KCNIP4: variants seen among roughly 807,000 people sequenced by gnomAD.
KCNIP4 encodes Kv channel-interacting protein 4.
In KCNIP4, 12 loss-of-function variants were observed where a neutral mutation model predicts 34.0. The ratio of observed to expected loss-of-function variants is 0.35; its 90% CI spans 0.23 to 0.57. The LOEUF (loss-of-function observed/expected upper bound fraction) is 0.57, where lower values mean the gene tolerates loss of function less well. KCNIP4 is among the 20% of genes least tolerant of loss of function. KCNIP4 has a pLI of 0.83. For synonymous variants in KCNIP4, 124 were observed against 102.2 expected, an observed-to-expected ratio of 1.21 and a Z score of -1.29; for missense variants, 238 against 311.7, an observed-to-expected ratio of 0.76 and a Z score of 1.78.
chr4:21,046,358 T>C (rs1742417491), intron 1 of KCNIP4, among the ~76,000 whole-genome samples: 1 of 152,228 alleles, frequency 6.6e-6, no homozygotes, highest in Non-Finnish European at 1.5e-5. Context: ...CTTAGTATTT[T>C]GCTGAAATGT....
At chr4:21,153,760 A>G (rs1028230747) in intron 1 of KCNIP4, among the ~76,000 whole-genome samples, 6 of 152,050 alleles carry the variant, frequency 3.9e-5, no homozygotes, top group Non-Finnish European at 8.8e-5. Context: ...ACCTCTTGGG[A>G]GCTAAAAGTA....
intron 1 of KCNIP4, among the ~76,000 whole-genome samples, chr4:21,926,217 G>T (rs1729236202): frequency 1.3e-5 from 2 of 152,080 alleles, no homozygotes; most frequent in African/African-American, 4.8e-5. Context: ...AATACTTCTA[G>T]AACGTCAGTA....
intron 3 of KCNIP4, among the ~76,000 whole-genome samples, chr4:20,830,686 T>A (rs1318308483): frequency 6.6e-6 from 1 of 150,488 alleles, no homozygotes; most frequent in African/African-American, 2.5e-5. Context: ...AGAAAAAATG[T>A]ATAGAGAAAT....
At chr4:21,156,389 C>G (rs1278296537) in intron 1 of KCNIP4, among the ~76,000 whole-genome samples, 1 of 152,300 alleles carries the variant, frequency 6.6e-6, no homozygotes, top group South Asian at 2.1e-4. Context: ...ATGCTCTAAA[C>G]TGTCTTTCTC....
intron 1 of KCNIP4, among the ~76,000 whole-genome samples, chr4:21,834,459 T>C (rs1278318052): frequency 1.3e-5 from 2 of 152,172 alleles, no homozygotes; most frequent in African/African-American, 2.4e-5. Flanking sequence ...TGAGACTTTG[T>C]TGAAGTTGCT....
intron 1 of KCNIP4, among the ~76,000 whole-genome samples, chr4:21,453,085 A>T (rs183105987): frequency 6.6e-6 from 1 of 152,158 alleles, no homozygotes; most frequent in African/African-American, 2.4e-5. Context: ...AGGCTCAAAG[A>T]AAAGGTCCCC....
chr4:21,436,688 A>G (rs1726970196), intron 1 of KCNIP4, among the ~76,000 whole-genome samples: 1 of 152,228 alleles, frequency 6.6e-6, no homozygotes, highest in Non-Finnish European at 1.5e-5. Flanking sequence ...CCATTCCTGT[A>G]AAATAGATGG....
At chr4:21,663,631 A>C in intron 1 of KCNIP4, among the ~76,000 whole-genome samples, 1 of 152,138 alleles carries the variant, frequency 6.6e-6, no homozygotes, top group East Asian at 1.9e-4. Context: ...TCTAAGGCCT[A>C]ATAACTATGA....
intron 1 of KCNIP4, among the ~76,000 whole-genome samples, chr4:21,223,549 GAAGAA>G (rs1351465653): frequency 6.6e-6 from 1 of 152,214 alleles, no homozygotes; most frequent in African/African-American, 2.4e-5. Flanking sequence ...GTAAAATGAA[GAAGAA>G]AGTGGCACCT....
At chr4:21,790,297 G>A (rs534103986) in intron 1 of KCNIP4, among the ~76,000 whole-genome samples, 1 of 152,166 alleles carries the variant, frequency 6.6e-6, no homozygotes, top group African/African-American at 2.4e-5. Context: ...AAACAATTTC[G>A]AAATTACTTA....
chr4:21,672,756 T>C (rs1749600988), intron 1 of KCNIP4, among the ~76,000 whole-genome samples: 1 of 152,226 alleles, frequency 6.6e-6, no homozygotes, highest in Non-Finnish European at 1.5e-5. Context: ...CTCACAGTTC[T>C]TGTGGGTCAG....
At chr4:21,700,491 C>T (rs909368707) in intron 1 of KCNIP4, among the ~76,000 whole-genome samples, 1 of 152,020 alleles carries the variant, frequency 6.6e-6, no homozygotes, top group African/African-American at 2.4e-5. Flanking sequence ...GATATTACCC[C>T]TTATCAGATG....
intron 1 of KCNIP4, among the ~76,000 whole-genome samples, chr4:21,575,349 A>G (rs1740675066): frequency 6.6e-6 from 1 of 152,210 alleles, no homozygotes; most frequent in African/African-American, 2.4e-5. Context: ...TGAGTTCAAT[A>G]GTTCCTACAT....
chr4:21,810,676 C>T (rs977960932), intron 1 of KCNIP4, among the ~76,000 whole-genome samples: 2 of 119,790 alleles, frequency 1.7e-5, no homozygotes, highest in East Asian at 2.5e-4. Context: ...GGCGACAGAG[C>T]GAGACTCCGT....
intron 1 of KCNIP4, among the ~76,000 whole-genome samples, chr4:21,045,704 T>G (rs1168522722): frequency 6.6e-6 from 1 of 152,226 alleles, no homozygotes; most frequent in African/African-American, 2.4e-5. Flanking sequence ...ATATTTTATT[T>G]ATTAGGAAAA....
chr4:21,037,429 C>T lies in KCNIP4; in HGVS notation c.62-154720G>A, dbSNP rs142889538. ...ACTATACCTTTTCTCTGTTTAGATA[C>T]ACAAATACTTACCACTGTGTTACAA... On this transcript the variant is annotated intron_variant, in intron 1 of 8. Coordinates refer to ENST00000382152, the MANE Select transcript of KCNIP4 (RefSeq NM_025221.6). Among the ~76,000 whole-genome samples the T allele has an allele frequency of 4.8e-3, 731 of 152,274 alleles. 5 individuals are homozygous for T. The highest frequency in any genetic ancestry group is 0.017 in the African/African-American group (707 of 41,554).
intron 1 of KCNIP4, among the ~76,000 whole-genome samples, chr4:21,828,263 A>G (rs1049795537): frequency 1.3e-5 from 2 of 151,828 alleles, no homozygotes; most frequent in African/African-American, 2.4e-5. Context: ...ACAGTATATT[A>G]GAACTGGTAA....
At chr4:21,410,841 T>C (rs1042916318) in intron 1 of KCNIP4, among the ~76,000 whole-genome samples, 1 of 152,192 alleles carries the variant, frequency 6.6e-6, no homozygotes, top group Non-Finnish European at 1.5e-5. Context: ...CTTTCAGATA[T>C]CCTGTAGGTA....
At position 21,068,178 on chromosome 4, in the gene KCNIP4, G is replaced by T. The variant is rs1744576458; in HGVS notation, c.62-185469C>A. Among the ~76,000 whole-genome samples the T allele has an allele frequency of 2.0e-5, 3 of 152,036 alleles. No homozygotes were observed. The South Asian group carries it at 6.2e-4, about 32-fold the overall frequency. ...TGAGCAGAACTGAACATGGCTTCCT[G>T]TTTTCTGTACCCAATTTCTTTCCCT... On this transcript the variant is annotated intron_variant, in intron 1 of 8. Coordinates refer to ENST00000382152, the MANE Select transcript of KCNIP4 (RefSeq NM_025221.6).
Sources: gnomAD v4.1 joint callset for allele counts (sites outside exome capture counted in the v4.1 genomes callset) on GRCh38, gnomAD v4.1.1 for gene constraint, MANE v1.5 for transcripts, NCBI Gene and HGNC (gene_info 2026-07-23, HGNC 2026-07-21) for gene names.